The following PPP4R2 variants were observed in gnomAD, a reference collection of about 807,000 sequenced individuals.
PPP4R2 encodes protein phosphatase 4 regulatory subunit 2.
Under a neutral mutation model 47.2 loss-of-function variants are expected in PPP4R2, and 13 were observed. The observed-to-expected ratio is 0.28, with a 90% CI of 0.18 to 0.44. PPP4R2 has a LOEUF of 0.44. Among genes scored for constraint, PPP4R2 ranks in the 20% least tolerant of loss-of-function variants. The pLI, the probability that PPP4R2 is intolerant of heterozygous loss-of-function variation, is 1.00. For synonymous variants in PPP4R2, 151 were observed against 163.3 expected (o/e 0.92, Z 0.57); for missense variants, 421 against 491.2 (o/e 0.86, Z 1.35).
At chr3:73,047,094 A>T in intron 2 of PPP4R2, 92 bp from the exon 3 acceptor site, 1 of 702,358 alleles carries the variant, frequency 1.4e-6, no homozygotes, top group Non-Finnish European at 2.3e-6. Flanking sequence ...TTTTGTTAGT[A>T]TTAGTGTCAT....
intron 3 of PPP4R2, among the ~76,000 whole-genome samples, chr3:73,054,784 G>A (rs910266089): frequency 2.0e-5 from 3 of 152,024 alleles, no homozygotes; most frequent in Admixed American, 6.6e-5. Context: ...AATGAAGTGC[G>A]CACTTATTTT....
chr3:73,009,398 A>C (rs1701677944), intron 2 of PPP4R2, among the ~76,000 whole-genome samples: 1 of 152,246 alleles, frequency 6.6e-6, no homozygotes, highest in Non-Finnish European at 1.5e-5. Flanking sequence ...GAGAAAGAGC[A>C]GTCACCACTA....
intron 2 of PPP4R2, among the ~76,000 whole-genome samples, chr3:73,035,531 A>G (rs1363837666): frequency 6.6e-6 from 1 of 152,238 alleles, no homozygotes; most frequent in East Asian, 1.9e-4. Context: ...TCAGAAACCT[A>G]AAAATAGGTC....
chr3:73,028,509 T>G (rs570415739), intron 2 of PPP4R2, among the ~76,000 whole-genome samples: 2 of 152,114 alleles, frequency 1.3e-5, no homozygotes, highest in East Asian at 3.9e-4. Context: ...CAGGCTCGAG[T>G]GCAGTGGTGC....
chr3:73,039,125 AC>A (rs1702325515), intron 2 of PPP4R2, among the ~76,000 whole-genome samples: 1 of 152,200 alleles, frequency 6.6e-6, no homozygotes, highest in African/African-American at 2.4e-5. Context: ...TATATAAAAA[AC>A]AATACTTTTT....
intron 3 of PPP4R2, among the ~76,000 whole-genome samples, chr3:73,052,967 T>C (rs541461861): frequency 2.5e-4 from 38 of 152,368 alleles, no homozygotes; most frequent in African/African-American, 8.9e-4. Flanking sequence ...GATTGTAGAA[T>C]AAAACAACCC....
intron 2 of PPP4R2, among the ~76,000 whole-genome samples, chr3:73,033,452 C>G (rs1047861997): frequency 6.6e-6 from 1 of 152,178 alleles, no homozygotes; most frequent in African/African-American, 2.4e-5. Context: ...TTCAGCAACT[C>G]TTGTGAGTTC....
intron 2 of PPP4R2, among the ~76,000 whole-genome samples, chr3:72,998,621 C>T (rs1037488682): frequency 1.3e-5 from 2 of 152,078 alleles, no homozygotes; most frequent in Non-Finnish European, 2.9e-5. Context: ...TTCTATTTAT[C>T]GTCTGGAGGA....
At chr3:73,048,912 C>G (rs1044921217) in intron 3 of PPP4R2, among the ~76,000 whole-genome samples, 7 of 152,086 alleles carry the variant, frequency 4.6e-5, no homozygotes, top group African/African-American at 7.2e-5. Flanking sequence ...GGGTCTGTTA[C>G]AAAAATATTT....
At chr3:73,021,192 A>G (rs1332670823) in intron 2 of PPP4R2, among the ~76,000 whole-genome samples, 3 of 151,910 alleles carry the variant, frequency 2.0e-5, no homozygotes, top group Non-Finnish European at 1.5e-5. Flanking sequence ...AAGAGTAGGA[A>G]GGAGAAGGGG....
intron 2 of PPP4R2, among the ~76,000 whole-genome samples, chr3:73,035,621 C>CT (rs1702247549): frequency 6.6e-6 from 1 of 152,028 alleles, no homozygotes; most frequent in Non-Finnish European, 1.5e-5. Flanking sequence ...GATACCTGCA[C>CT]TTTCTTTTTT....
chr3:73,052,492 ATCC>A (rs1423736987), intron 3 of PPP4R2, among the ~76,000 whole-genome samples: 1 of 152,104 alleles, frequency 6.6e-6, no homozygotes, highest in Non-Finnish European at 1.5e-5. Flanking sequence ...ATTTATGAAA[ATCC>A]TCCTCCTATT....
At chr3:73,060,901 T>G in intron 4 of PPP4R2, 122 bp from the exon 5 acceptor site, 1 of 574,200 alleles carries the variant, frequency 1.7e-6, no homozygotes. Flanking sequence ...CATTTTCCTT[T>G]ACTAGCAAAA....
chr3:73,065,038 A>T lies in PPP4R2; in HGVS notation c.825A>T (p.Glu275Asp), dbSNP rs1300340562. 17 of 1,613,878 alleles carry T rather than the reference A, an allele frequency of 1.1e-5. No individual in the cohort carries two copies. The highest frequency in any genetic ancestry group is 1.4e-5 in the Non-Finnish European group (17 of 1,179,898). Residue 275 changes from glutamate to aspartate, a missense_variant, in exon 8 of 9, where the codon GAA (glutamate) becomes GAT (aspartate). By Grantham distance (45) the Glu-to-Asp change is conservative. Coordinates refer to ENST00000356692, the MANE Select transcript of PPP4R2 (RefSeq NM_174907.4). Reference protein sequence around the residue: ...SSEISSVMVGETEASSSSQDK... With the variant: ...SSEISSVMVGDTEASSSSQDK... Reference sequence around the variant, plus strand: ...AAATTTCTTCAGTTATGGTAGGAGAAACAGAAGCATCATCTTCATCTCAGG... The same window carrying T: ...AAATTTCTTCAGTTATGGTAGGAGATACAGAAGCATCATCTTCATCTCAGG...
intron 2 of PPP4R2, among the ~76,000 whole-genome samples, chr3:73,019,200 T>C (rs1214394517): frequency 3.9e-5 from 6 of 152,140 alleles, no homozygotes; most frequent in African/African-American, 1.4e-4. Flanking sequence ...TACCATATAG[T>C]CTAGGTGTAT....
intron 2 of PPP4R2, among the ~76,000 whole-genome samples, chr3:73,046,339 T>C (rs1267062450): frequency 6.6e-6 from 1 of 152,198 alleles, no homozygotes; most frequent in East Asian, 1.9e-4. Context: ...CCCGTTAATT[T>C]GTGTAAATTT....
At chr3:73,059,618 G>T (rs1208002467) in intron 4 of PPP4R2, among the ~76,000 whole-genome samples, 1 of 152,058 alleles carries the variant, frequency 6.6e-6, no homozygotes, top group Non-Finnish European at 1.5e-5. Flanking sequence ...GGGAGTGTTA[G>T]AATAAGGGAA....
chr3:73,001,007 G>A (rs1307860318), intron 2 of PPP4R2, among the ~76,000 whole-genome samples: 3 of 152,098 alleles, frequency 2.0e-5, no homozygotes, highest in African/African-American at 4.8e-5. Context: ...TCCTTTTGAC[G>A]TGACCTTAGT....
intron 2 of PPP4R2, among the ~76,000 whole-genome samples, chr3:73,011,036 A>T (rs185202881): frequency 2.6e-5 from 4 of 152,098 alleles, no homozygotes. Context: ...TAAGTAATGG[A>T]ACTGGGTTTT....
Sources: gnomAD v4.1 joint callset for allele counts (sites outside exome capture counted in the v4.1 genomes callset) on GRCh38, gnomAD v4.1.1 for gene constraint, MANE v1.5 for transcripts, NCBI Gene and HGNC (gene_info 2026-07-23, HGNC 2026-07-21) for gene names.